The following ASIC2 variants were observed in gnomAD, a reference collection of about 807,000 sequenced individuals.
ASIC2 encodes acid-sensing ion channel 2.
Under a neutral mutation model 57.3 loss-of-function variants are expected in ASIC2, and 25 were observed. That is an observed-to-expected ratio of 0.44 (90% CI 0.32 to 0.61). ASIC2 has a LOEUF of 0.61. Among genes scored for constraint, ASIC2 ranks in the 20% least tolerant of loss-of-function variants. The pLI is 0.06. For missense variants in ASIC2, 641 were observed against 738.1 expected (o/e 0.87, Z 1.52); for synonymous variants, 319 against 307.5 (o/e 1.04, Z -0.39).
At chr17:34,052,455 A>C (rs1908604913) in intron 1 of ASIC2, among the ~76,000 whole-genome samples, 1 of 152,166 alleles carries the variant, frequency 6.6e-6, no homozygotes, top group Non-Finnish European at 1.5e-5. Context: ...GTCTACACGG[A>C]GAATGGCGAC....
intron 1 of ASIC2, among the ~76,000 whole-genome samples, chr17:33,497,675 C>T (rs1285228375): frequency 1.3e-5 from 2 of 152,164 alleles, no homozygotes; most frequent in Non-Finnish European, 2.9e-5. Context: ...TGCCATTGTG[C>T]TGGCCTATCA....
chr17:34,089,831 C>T (rs544435724), intron 1 of ASIC2, among the ~76,000 whole-genome samples: 1 of 152,298 alleles, frequency 6.6e-6, no homozygotes, highest in Admixed American at 6.5e-5. Flanking sequence ...GGGCGATGGT[C>T]CAGATCACTC....
At chr17:33,290,927 T>A (rs1403084266) in intron 1 of ASIC2, 1 of 155,068 alleles carries the variant, frequency 6.4e-6, no homozygotes, top group African/African-American at 2.4e-5. Context: ...GGACTCTGCG[T>A]GATTCCCCTG....
intron 1 of ASIC2, among the ~76,000 whole-genome samples, chr17:33,257,023 A>G (rs928614363): frequency 1.3e-5 from 2 of 152,176 alleles, no homozygotes; most frequent in Non-Finnish European, 2.9e-5. Flanking sequence ...GAGATGGTGG[A>G]CTGCCAGGCC....
At chr17:33,040,952 C>T (rs542959076) in intron 3 of ASIC2, among the ~76,000 whole-genome samples, 1 of 152,250 alleles carries the variant, frequency 6.6e-6, no homozygotes, top group South Asian at 2.1e-4. Flanking sequence ...CATATAAAGA[C>T]TTCATTAATT....
At chr17:34,041,099 T>G (rs772185185) in intron 1 of ASIC2, 2 of 152,260 alleles carry the variant, frequency 1.3e-5, no homozygotes, top group African/African-American at 4.8e-5. Flanking sequence ...GTCTACCATA[T>G]GCAAAGCACA....
chr17:33,193,167 T>C (rs2142070267), intron 1 of ASIC2, among the ~76,000 whole-genome samples: 1 of 152,346 alleles, frequency 6.6e-6, no homozygotes, highest in African/African-American at 2.4e-5. Flanking sequence ...AGGGAAACCC[T>C]ACTTAACTCA....
At chr17:33,301,218 T>A (rs1468299892) in intron 1 of ASIC2, among the ~76,000 whole-genome samples, 2 of 151,484 alleles carry the variant, frequency 1.3e-5, no homozygotes, top group African/African-American at 4.9e-5. Flanking sequence ...TTTTGTATTT[T>A]TTGGTAGAGA....
chr17:33,994,534 C>A (rs1233198787), intron 1 of ASIC2, among the ~76,000 whole-genome samples: 1 of 152,188 alleles, frequency 6.6e-6, no homozygotes, highest in Non-Finnish European at 1.5e-5. Flanking sequence ...GAGCCAGACC[C>A]AATGTGTTTT....
chr17:33,270,602 G>C (rs903737765), intron 1 of ASIC2, among the ~76,000 whole-genome samples: 3 of 152,196 alleles, frequency 2.0e-5, no homozygotes, highest in African/African-American at 7.2e-5. Flanking sequence ...GATGCCTCTA[G>C]GCTGGGTGTG....
chr17:33,415,994 C>T (rs1003580602), intron 1 of ASIC2, among the ~76,000 whole-genome samples: 22 of 152,196 alleles, frequency 1.4e-4, no homozygotes, highest in Non-Finnish European at 3.1e-4. Context: ...AGCCTATGCT[C>T]AGAGCAGGGA....
At chr17:33,031,783 A>C (rs1371832003) in intron 3 of ASIC2, among the ~76,000 whole-genome samples, 1 of 152,132 alleles carries the variant, frequency 6.6e-6, no homozygotes, top group African/African-American at 2.4e-5. Flanking sequence ...GAAACTTATT[A>C]GGCATATACA....
At chr17:33,885,945 A>C (rs1219105302) in intron 1 of ASIC2, among the ~76,000 whole-genome samples, 2 of 152,178 alleles carry the variant, frequency 1.3e-5, no homozygotes, top group Non-Finnish European at 2.9e-5. Flanking sequence ...TGAGGACATA[A>C]CTTCTGTCAC....
At position 33,495,571 on chromosome 17, in the gene ASIC2, T is replaced by A. The variant is rs1043422926; in HGVS notation, c.556-383504A>T. 5.9e-5 allele frequency among the ~76,000 whole-genome samples: 9 copies of A among 152,322 alleles called. No individual in the cohort carries two copies. The East Asian group carries it at 1.7e-3, about 29-fold the overall frequency. On this transcript the variant is annotated intron_variant, in intron 1 of 9. Transcript: ENST00000359872. ...TTGATCTTGCGTGCCTGTTTCCTAT[T>A]GAGTTGGGGGACCACAGTGGCCGTT...
intron 1 of ASIC2, among the ~76,000 whole-genome samples, chr17:34,013,367 G>C (rs1196907302): frequency 6.6e-6 from 1 of 152,154 alleles, no homozygotes; most frequent in African/African-American, 2.4e-5. Flanking sequence ...CCCCTTCCAG[G>C]TCCTCTGCAA....
chr17:34,007,791 T>C (rs1906576222), intron 1 of ASIC2, among the ~76,000 whole-genome samples: 1 of 152,198 alleles, frequency 6.6e-6, no homozygotes, highest in African/African-American at 2.4e-5. Context: ...TGCAGGGTGT[T>C]CCCAAAAGCA....
chr17:33,768,159 C>T (rs899191694), intron 1 of ASIC2, among the ~76,000 whole-genome samples: 3 of 151,984 alleles, frequency 2.0e-5, no homozygotes, highest in African/African-American at 7.3e-5. Context: ...CGGGCGCCTG[C>T]CACCGCGCCC....
chr17:33,484,200 T>C (rs921055589), intron 1 of ASIC2, among the ~76,000 whole-genome samples: 1 of 152,222 alleles, frequency 6.6e-6, no homozygotes, highest in Non-Finnish European at 1.5e-5. Context: ...AAGTTTGTGG[T>C]GATTTGTTAC....
Position 33,584,352 on chromosome 17 carries a change from G to T in ASIC2, c.556-472285C>A, listed in dbSNP as rs374051122. Among the ~76,000 whole-genome samples the T allele has an allele frequency of 9.9e-5, 15 of 152,270 alleles. 1 individual carries two copies. The East Asian group carries it at 1.4e-3, about 14-fold the overall frequency. Reference sequence around the variant, plus strand: ...TAGAGTCTGAGTCTAGTTCTCTTGTGGGGTGGCTAACAAGAGAATGAATGG... The same window carrying T: ...TAGAGTCTGAGTCTAGTTCTCTTGTTGGGTGGCTAACAAGAGAATGAATGG... On this transcript the variant is annotated intron_variant, in intron 1 of 9. Transcript: ENST00000359872.
Sources: gnomAD v4.1 joint callset for allele counts (sites outside exome capture counted in the v4.1 genomes callset) on GRCh38, gnomAD v4.1.1 for gene constraint, MANE v1.5 for transcripts, NCBI Gene and HGNC (gene_info 2026-07-23, HGNC 2026-07-21) for gene names.